Variants in UNC79 observed in about 807,000 individuals in gnomAD.
UNC79 encodes unc-79 subunit of NALCN channel complex, also known as protein unc-79 homolog.
UNC79 carries 37 observed loss-of-function variants against 283.1 expected under a neutral mutation model. The ratio of observed to expected loss-of-function variants is 0.13; its 90% CI spans 0.10 to 0.17. The LOEUF (loss-of-function observed/expected upper bound fraction) is 0.17, where lower values mean the gene tolerates loss of function less well. Among genes scored for constraint, UNC79 ranks in the 10% least tolerant of loss-of-function variants. The pLI is 1.00. For missense variants in UNC79, 2,272 were observed against 3,211.1 expected (o/e 0.71, Z 7.07); for synonymous variants, 1,107 against 1,200.2 (o/e 0.92, Z 1.61).
At chr14:93,415,335 A>G (rs574267281) in intron 1 of UNC79, among the ~76,000 whole-genome samples, 6 of 152,326 alleles carry the variant, frequency 3.9e-5, no homozygotes, top group Admixed American at 1.3e-4. Context: ...TGATTTGTGT[A>G]TATTGAACCA....
chr14:93,655,436 A>G (rs779228176), intron 38 of UNC79, 29 bp downstream of exon 41: 8 of 1,606,006 alleles, frequency 5.0e-6, no homozygotes, highest in South Asian at 1.1e-5. Flanking sequence ...TTCATTTTCA[A>G]TTAATTTCTT....
chr14:93,592,221 C>A (rs1337815886), intron 22 of UNC79, among the ~76,000 whole-genome samples: 1 of 140,312 alleles, frequency 7.1e-6, no homozygotes, highest in African/African-American at 2.7e-5. Context: ...GTCGCCCAGG[C>A]TGGAGTGCAG....
intron 4 of UNC79, among the ~76,000 whole-genome samples, chr14:93,486,421 C>G (rs2140451548): frequency 6.6e-6 from 1 of 151,888 alleles, no homozygotes; most frequent in South Asian, 2.1e-4. Context: ...CTCTGGGAGG[C>G]CGAAGTGGGT....
intron 1 of UNC79, among the ~76,000 whole-genome samples, chr14:93,353,016 G>C (rs2054009331): frequency 6.6e-6 from 1 of 152,052 alleles, no homozygotes; most frequent in African/African-American, 2.4e-5. Context: ...AACAGTTGGG[G>C]GAATCACATC....
At chr14:93,577,696 T>C (rs924702164) in intron 17 of UNC79, 146 bp from the exon 18 acceptor site, 1 of 733,176 alleles carries the variant, frequency 1.4e-6, no homozygotes, top group African/African-American at 1.8e-5. Context: ...AGAGAATCCT[T>C]AGTATTTGGA....
chr14:93,599,843 C>T (rs971366692), intron 24 of UNC79, among the ~76,000 whole-genome samples: 5 of 152,170 alleles, frequency 3.3e-5, no homozygotes, highest in African/African-American at 4.8e-5. Flanking sequence ...GATTTCTAGA[C>T]CATCTTTCTG....
intron 32 of UNC79, among the ~76,000 whole-genome samples, chr14:93,637,632 A>T (rs909156414): frequency 1.3e-5 from 2 of 152,100 alleles, no homozygotes; most frequent in African/African-American, 4.8e-5. Context: ...TAATTTTTGT[A>T]CTTTTAGTAG....
intron 35 of UNC79, among the ~76,000 whole-genome samples, chr14:93,652,042 G>A (rs919522492): frequency 6.7e-6 from 1 of 149,930 alleles, no homozygotes; most frequent in Non-Finnish European, 1.5e-5. Context: ...GATTACAGGC[G>A]TGAGCCACCG....
At chr14:93,677,960 C>G (rs893319547) in intron 41 of UNC79, among the ~76,000 whole-genome samples, 4 of 152,048 alleles carry the variant, frequency 2.6e-5, no homozygotes, top group African/African-American at 9.7e-5. Flanking sequence ...GTGCCTCTTT[C>G]TAGGGTTTCT....
intron 7 of UNC79, among the ~76,000 whole-genome samples, chr14:93,512,874 T>C (rs937912625): frequency 2.0e-5 from 3 of 152,164 alleles, no homozygotes; most frequent in South Asian, 4.1e-4. Context: ...TTCTTTTCAC[T>C]CTTCCTCTTG....
chr14:93,538,141 T>C (rs753823201), exon 12 of UNC79: 1 of 1,614,116 alleles, frequency 6.2e-7, no homozygotes, highest in South Asian at 1.1e-5. Flanking sequence ...CTCACCTCTA[T>C]CAGACCTCTC....
chr14:93,381,343 C>G (rs948981793), intron 1 of UNC79, among the ~76,000 whole-genome samples: 14 of 152,094 alleles, frequency 9.2e-5, no homozygotes, highest in Admixed American at 3.3e-4. Flanking sequence ...GGTGCTTTTC[C>G]CTCATTTAAA....
chr14:93,678,285 A>T (rs1329130432), intron 41 of UNC79, among the ~76,000 whole-genome samples: 3 of 152,194 alleles, frequency 2.0e-5, no homozygotes, highest in Non-Finnish European at 4.4e-5. Flanking sequence ...TGTAAAAAAG[A>T]TCAGTAACCA....
In UNC79 at chr14:93,688,813, A is replaced by G; in HGVS notation, c.7058A>G (p.Tyr2353Cys). ...GTGATCCGCTATCTGCCTTGGCTTT[A>G]TCATCCCCCCTCTGCAATGCAGCAA... Residue 2353 changes from tyrosine (Y) to cysteine (C), a missense_variant, in exon 44 of 49, where the codon TAT becomes TGT. Physicochemically the swap from Tyr to Cys is radical, Grantham distance 194. Transcript: ENST00000555664. The surrounding 1 kb of genome is among the most constrained non-coding windows in gnomAD (Gnocchi z 4.0). The G allele has an allele frequency of 6.2e-7, 1 of 1,613,910 alleles. No individual in the cohort carries two copies. Among genetic ancestry groups the G allele is most frequent in the South Asian group, 1.1e-5 (1 of 91,050 alleles).
intron 1 of UNC79, among the ~76,000 whole-genome samples, chr14:93,381,348 T>C (rs2054661426): frequency 6.6e-6 from 1 of 152,162 alleles, no homozygotes; most frequent in Admixed American, 6.5e-5. Context: ...TTTTCCCTCA[T>C]TTAAAGGCTA....
At chr14:93,686,267 A>C (rs2074231708) in intron 42 of UNC79, among the ~76,000 whole-genome samples, 1 of 152,126 alleles carries the variant, frequency 6.6e-6, no homozygotes, top group Non-Finnish European at 1.5e-5. Context: ...GAATCTTTGC[A>C]TACAAAGCAG....
intron 1 of UNC79, among the ~76,000 whole-genome samples, chr14:93,410,906 C>A (rs755287608): frequency 2.9e-4 from 44 of 151,974 alleles, no homozygotes; most frequent in Middle Eastern, 6.8e-3. Context: ...GGGAGAGACT[C>A]CTTCTGCTTG....
At chr14:93,400,520 A>G (rs1174228240) in intron 1 of UNC79, among the ~76,000 whole-genome samples, 1 of 152,198 alleles carries the variant, frequency 6.6e-6, no homozygotes, top group East Asian at 1.9e-4. Context: ...CTCTGAGTGA[A>G]TTAATTAGAG....
chr14:93,538,962 G>A (rs1230658449), intron 12 of UNC79, among the ~76,000 whole-genome samples: 5 of 151,726 alleles, frequency 3.3e-5, no homozygotes, highest in Non-Finnish European at 5.9e-5. Context: ...GAGTGCAGTG[G>A]TACAATCTCG....
Sources: allele counts gnomAD v4.1 joint callset (sites outside exome capture counted in the v4.1 genomes callset), GRCh38; gene constraint gnomAD v4.1.1; non-coding constraint Gnocchi (gnomAD v3.1); transcripts MANE v1.5; gene names NCBI Gene and HGNC (gene_info 2026-07-23, HGNC 2026-07-21).